MAGEC3: variants seen among roughly 807,000 people sequenced by gnomAD.
The protein encoded by MAGEC3 is MAGE family member C3.
MAGEC3 carries 34 observed loss-of-function variants against 35.3 expected under a neutral mutation model. That is an observed-to-expected ratio of 0.96 (90% CI 0.73 to 1.28). The LOEUF (loss-of-function observed/expected upper bound fraction) is 1.28, where lower values mean the gene tolerates loss of function less well. MAGEC3 is among the 50% of genes most tolerant of loss of function. The pLI, the probability that MAGEC3 is intolerant of heterozygous loss-of-function variation, is 0.00. For missense variants in MAGEC3, 561 were observed against 483.6 expected, an observed-to-expected ratio of 1.16 and a Z score of -1.50; for synonymous variants, 202 against 185.6, an observed-to-expected ratio of 1.09 and a Z score of -0.72.
intron 1 of MAGEC3, among the ~76,000 whole-genome samples, chrX:141,854,451 A>G (rs1224625339): frequency 1.8e-5 from 2 of 111,188 alleles, no homozygotes; most frequent in African/African-American, 6.5e-5. Flanking sequence ...CATAATTCCT[A>G]CATGTTGTGG....
chrX:141,856,020 A>T (rs756672073), intron 1 of MAGEC3, among the ~76,000 whole-genome samples: 3 of 111,615 alleles, frequency 2.7e-5, no homozygotes, highest in East Asian at 5.7e-4. Context: ...TACCCAAGAA[A>T]GGCTAAAGGT....
chrX:141,844,155 C>T (rs916800725), intron 1 of MAGEC3, among the ~76,000 whole-genome samples: 1 of 111,510 alleles, frequency 9.0e-6, no homozygotes, highest in African/African-American at 3.2e-5. Context: ...CTTAGTTTTA[C>T]TGATGTACAG....
chrX:141,859,274 A>T (rs189184182), intron 1 of MAGEC3, among the ~76,000 whole-genome samples: 1 of 110,909 alleles, frequency 9.0e-6, no homozygotes, highest in Non-Finnish European at 1.9e-5. Flanking sequence ...TTTCCTTTTG[A>T]TTTGTATTTC....
At chrX:141,871,181 T>G (rs191670304) in intron 2 of MAGEC3, among the ~76,000 whole-genome samples, 3 of 111,715 alleles carry the variant, frequency 2.7e-5, no homozygotes, top group East Asian at 2.8e-4. Context: ...GTTATAAGAT[T>G]TTTTATTTGG....
chrX:141,896,661 C>G, intron 6 of MAGEC3: 1 of 1,209,176 alleles, frequency 8.3e-7, no homozygotes, highest in Non-Finnish European at 1.1e-6. Context: ...TCATGCCTCT[C>G]TTTCCAAACC....
chrX:141,852,615 T>TA (rs2017758004), intron 1 of MAGEC3, among the ~76,000 whole-genome samples: 1 of 110,875 alleles, frequency 9.0e-6, no homozygotes, highest in African/African-American at 3.3e-5. Context: ...TCTCTATTCC[T>TA]AGTTTGTTGA....
intron 6 of MAGEC3, among the ~76,000 whole-genome samples, chrX:141,895,798 G>C (rs1368406181): frequency 9.1e-6 from 1 of 110,173 alleles, no homozygotes; most frequent in East Asian, 2.9e-4. Context: ...CAAGTCAGCA[G>C]GGAGAGTTGC....
At position 141,895,258 on chromosome X, in the gene MAGEC3, T is replaced by C. The variant is rs1336213782; in HGVS notation, c.910-11T>C. 11 of 1,202,187 alleles carry C rather than the reference T, an allele frequency of 9.1e-6. No homozygotes were observed. The African/African-American group carries it at 1.2e-4, about 14-fold the overall frequency. ...AGAGGAGGCCCCACCCCACGCTGCCTCTGCTGTCAGCCCTGGTCAGCCTTG... is the reference window on the plus strand; with the variant it reads ...AGAGGAGGCCCCACCCCACGCTGCCCCTGCTGTCAGCCCTGGTCAGCCTTG... On this transcript the variant is annotated splice_polypyrimidine_tract_variant and intron_variant, in intron 4 of 7. Coordinates refer to ENST00000298296, the MANE Select transcript of MAGEC3 (RefSeq NM_138702.1).
chrX:141,843,422 A>T (rs1174246933), intron 1 of MAGEC3, among the ~76,000 whole-genome samples: 3 of 111,712 alleles, frequency 2.7e-5, no homozygotes, highest in African/African-American at 6.5e-5. Context: ...ATTAGTGGCT[A>T]GCTACATATT....
At chrX:141,850,277 G>T (rs775086470) in intron 1 of MAGEC3, among the ~76,000 whole-genome samples, 39 of 110,536 alleles carry the variant, frequency 3.5e-4, no homozygotes, top group Non-Finnish European at 6.6e-4. Flanking sequence ...TGGGTACTAT[G>T]CTCGCTACTT....
intron 2 of MAGEC3, among the ~76,000 whole-genome samples, chrX:141,878,134 G>A (rs2017931993): frequency 2.7e-5 from 3 of 111,435 alleles, no homozygotes; most frequent in African/African-American, 6.6e-5. Flanking sequence ...TGACAGTTTC[G>A]TATGGTTAGG....
At chrX:141,847,695 T>C (rs1016949715) in intron 1 of MAGEC3, among the ~76,000 whole-genome samples, 1 of 110,937 alleles carries the variant, frequency 9.0e-6, no homozygotes, top group African/African-American at 3.3e-5. Context: ...TATCAGAATT[T>C]ATGGGGTCTG....
intron 1 of MAGEC3, chrX:141,839,852 G>C (rs1268465203): frequency 2.1e-6 from 1 of 476,574 alleles, no homozygotes; most frequent in Non-Finnish European, 2.6e-6. Context: ...AGCAGGGAAT[G>C]CTACTGGTAT....
Position 141,880,878 on chromosome X carries a change from C to T in MAGEC3, c.516-525C>T, listed in dbSNP as rs61348924. Reference sequence around the variant, plus strand: ...GAACCACCATGGGTGAGTTTCTCAGCTGAGGCCACTTGCAGTGTCCCTCTC... The same window carrying T: ...GAACCACCATGGGTGAGTTTCTCAGTTGAGGCCACTTGCAGTGTCCCTCTC... On this transcript the variant is annotated intron_variant, in intron 3 of 7. Transcript: ENST00000298296. 0.038 allele frequency: 39,811 copies of T among 1,034,247 alleles called. 3,354 individuals are homozygous for T. In the East Asian group the frequency reaches 0.39, roughly 10 times the overall value. 85.2% of individuals were successfully genotyped at this position (1,034,247 alleles called of 1,213,427 possible). A position where few individuals can be genotyped will look rare whatever the true frequency, so the allele number is the denominator to read the frequency against.
chrX:141,846,683 A>C (rs2017718952), intron 1 of MAGEC3, among the ~76,000 whole-genome samples: 2 of 111,255 alleles, frequency 1.8e-5, no homozygotes, highest in African/African-American at 6.5e-5. Flanking sequence ...TGGTTCAACA[A>C]TATCTCAACA....
Position 141,897,324 on chromosome X carries a change from C to G in MAGEC3, c.1566C>G (p.Ser522=), listed in dbSNP as rs868241423. The G allele has an allele frequency of 8.3e-7, 1 of 1,211,902 alleles. No individual in the cohort carries two copies. The highest frequency in any genetic ancestry group is 1.1e-6 in the Non-Finnish European group (1 of 895,531). Residue 522 remains serine (S), a synonymous_variant, in exon 7 of 8, where the codon TCC becomes TCG. Transcript: ENST00000298296. The stretch of plus-strand genomic sequence containing the variant: ...CTGATATGGACCCCGACAACCACTC[C>G]TATTTCTTTGAAGACACATTAGACC... ...ALTDMDPDNH[S]YFFEDTLDLT...
intron 6 of MAGEC3, 69 bp downstream of exon 6, chrX:141,895,628 C>A: frequency 1.9e-6 from 2 of 1,030,647 alleles, no homozygotes; most frequent in Non-Finnish European, 2.6e-6. Context: ...CCTCAGAGGA[C>A]AGCTTCCCAG....
intron 1 of MAGEC3, among the ~76,000 whole-genome samples, chrX:141,857,118 T>C (rs994405656): frequency 3.6e-5 from 4 of 110,757 alleles, no homozygotes; most frequent in African/African-American, 1.3e-4. Flanking sequence ...TTTTATGTGC[T>C]TAAATAAGCC....
chrX:141,855,389 G>A (rs2017774270), intron 1 of MAGEC3, among the ~76,000 whole-genome samples: 1 of 110,617 alleles, frequency 9.0e-6, no homozygotes, highest in Non-Finnish European at 1.9e-5. Flanking sequence ...ATAACTAATA[G>A]TCATTACCTT....
Sources: gnomAD v4.1 joint callset for allele counts (sites outside exome capture counted in the v4.1 genomes callset) on GRCh38, gnomAD v4.1.1 for gene constraint, MANE v1.5 for transcripts, NCBI Gene and HGNC (gene_info 2026-07-23, HGNC 2026-07-21) for gene names.